The following NFATC2IP variants were observed in gnomAD, a reference collection of about 807,000 sequenced individuals.
NFATC2IP encodes NFATC2-interacting protein.
In NFATC2IP, 25 loss-of-function variants were observed where a neutral mutation model predicts 40.2. That is an observed-to-expected ratio of 0.62 (90% CI 0.45 to 0.87). The LOEUF is 0.87. Among genes scored for constraint, NFATC2IP ranks in the 40% least tolerant of loss-of-function variants. The probability of loss-of-function intolerance (pLI) is 0.00; values close to 1 mark genes in which losing one functional copy is unlikely to be tolerated. For synonymous variants in NFATC2IP, 241 were observed against 236.3 expected (o/e 1.02, Z -0.18); for missense variants, 553 against 555.6 (o/e 1.00, Z 0.05).
intron 5 of NFATC2IP, chr16:28,957,116 C>G (rs1965030392): frequency 6.6e-6 from 1 of 152,094 alleles, no homozygotes; most frequent in African/African-American, 2.4e-5. Flanking sequence ...TCACTGAAAC[C>G]TCCGCCTCCC....
intron 7 of NFATC2IP, among the ~76,000 whole-genome samples, chr16:28,961,325 GAAAAAAAAAAA>G (rs138576594): frequency 1.7e-4 from 9 of 52,254 alleles, no homozygotes; most frequent in Admixed American, 1.1e-3. Flanking sequence ...GACCCTATCT[GAAAAAAAAAAA>G]AAAAAAAAAA....
At chr16:28,953,430 ATAG>A (rs1320868539) in intron 2 of NFATC2IP, among the ~76,000 whole-genome samples, 1 of 152,198 alleles carries the variant, frequency 6.6e-6, no homozygotes, top group African/African-American at 2.4e-5. Flanking sequence ...AGTGGGGATA[ATAG>A]TAGACCCCAT....
In NFATC2IP at chr16:28,956,013, C is replaced by T. The variant is rs1406387034; in HGVS notation, c.614C>T (p.Pro205Leu). Residue 205 changes from proline to leucine, a missense_variant, in exon 4 of 8, where the codon CCA becomes CTA. Transcript: ENST00000320805. ...AACTCTCCTCTGTCCCCACCTTCAC[C>T]AAGGACCAAAAGCAGAACGCATACT... ...LDNSPLSPPS[P>L]RTKSRTHTRA... is the part of the protein sequence containing the mutation. 2 of 1,614,100 alleles carry T rather than the reference C, an allele frequency of 1.2e-6. No individual in the cohort carries two copies. The highest frequency in any genetic ancestry group is 8.5e-7 in the Non-Finnish European group (1 of 1,180,022).
Position 28,966,158 on chromosome 16 carries a change from A to C in NFATC2IP, c.*2295A>C, listed in dbSNP as rs993559977. ...TTTAATAGAGTTGTTAAGATATTTT[A>C]CATCTTCTCCTGTTAGCTGTTCAGC... On this transcript the variant is annotated 3_prime_UTR_variant, in exon 8 of 8. Coordinates refer to ENST00000320805, the MANE Select transcript of NFATC2IP (RefSeq NM_032815.4). 6.6e-6 allele frequency: 1 copy of C among 152,192 alleles called. No individual in the cohort carries two copies. The allele number at this position is 152,192 out of a possible 1,614,324, so 9.4% of individuals were successfully genotyped here.
At chr16:28,955,903 A>G (rs1965015174) in intron 3 of NFATC2IP, 75 bp from the exon 4 acceptor site, 1 of 1,192,632 alleles carries the variant, frequency 8.4e-7, no homozygotes, top group Non-Finnish European at 1.2e-6. Flanking sequence ...TTGATTGTCC[A>G]AGGATCTGAT....
rs919657274 is a variant in NFATC2IP, at chr16:28,951,073, G to T, written c.62G>T (p.Gly21Val). The T allele has an allele frequency of 1.2e-5, 19 of 1,543,670 alleles. No individual in the cohort carries two copies. Among genetic ancestry groups the T allele is most frequent in the African/African-American group, 2.8e-5 (2 of 72,392 alleles). Residue 21 changes from glycine to valine, a missense_variant, in exon 1 of 8, where the codon GGT becomes GTT. Transcript: ENST00000320805. ...GGAGGTAGCGGTGCCGGCCGAGGGG[G>T]TCGGGGCGGCTGGGGCGGTCGGGGC... Reference protein sequence around the residue: ...WSGGSGAGRGGRGGWGGRGRR... With the variant: ...WSGGSGAGRGVRGGWGGRGRR...
intron 1 of NFATC2IP, among the ~76,000 whole-genome samples, chr16:28,951,876 C>T (rs368428167): frequency 2.6e-5 from 4 of 152,012 alleles, no homozygotes; most frequent in African/African-American, 7.2e-5. Context: ...GGTAGAGGGG[C>T]GGCTAGTAAC....
At chr16:28,961,732 C>T (rs1304646199) in intron 7 of NFATC2IP, among the ~76,000 whole-genome samples, 4 of 151,866 alleles carry the variant, frequency 2.6e-5, no homozygotes, top group African/African-American at 9.7e-5. Flanking sequence ...AACCCTGTCT[C>T]TACTAAAAAT....
intron 4 of NFATC2IP, 45 bp downstream of exon 4, chr16:28,956,103 G>A (rs368445329): frequency 2.6e-5 from 42 of 1,613,008 alleles, no homozygotes; most frequent in African/African-American, 2.4e-4. Flanking sequence ...AGGGCAATCC[G>A]GGAGGGTGGC....
chr16:28,955,904 A>G, intron 3 of NFATC2IP, 74 bp from the exon 4 acceptor site: 2 of 1,194,488 alleles, frequency 1.7e-6, no homozygotes, highest in South Asian at 2.5e-5. Flanking sequence ...TGATTGTCCA[A>G]GGATCTGATT....
At chr16:28,959,321 C>T (rs1401816539) in intron 7 of NFATC2IP, among the ~76,000 whole-genome samples, 1 of 152,142 alleles carries the variant, frequency 6.6e-6, no homozygotes, top group Non-Finnish European at 1.5e-5. Context: ...TGGGTGCTCC[C>T]TCGGTCTCCT....
chr16:28,955,063 G>T (rs148867908), intron 3 of NFATC2IP, among the ~76,000 whole-genome samples: 1 of 152,044 alleles, frequency 6.6e-6, no homozygotes, highest in Non-Finnish European at 1.5e-5. Context: ...GCATGGTGGC[G>T]CATGCCTGTG....
chr16:28,958,913 G>C, intron 6 of NFATC2IP, 52 bp downstream of exon 6: 1 of 1,609,538 alleles, frequency 6.2e-7, no homozygotes, highest in Non-Finnish European at 8.5e-7. Flanking sequence ...AGGGGAAGGG[G>C]ATATGGGGAG....
At position 28,951,190 on chromosome 16, in the gene NFATC2IP, A is replaced by G. The variant is rs1401241331; in HGVS notation, c.179A>G (p.Glu60Gly). The stretch of plus-strand genomic sequence containing the variant: ...ACCGACAGCGATGAGGAAATTCTGG[A>G]GGTCGCCACCGCTCGCGGTGCCGCG... Reference protein sequence around the residue: ...LVTDSDEEILEVATARGAADE... With the variant: ...LVTDSDEEILGVATARGAADE... Residue 60 changes from glutamate (E) to glycine (G), a missense_variant, in exon 1 of 8, where the codon GAG becomes GGG. Glu to Gly is a moderately conservative substitution (Grantham distance 98, BLOSUM62 -2). Transcript: ENST00000320805. 2 of 1,539,774 alleles carry G rather than the reference A, an allele frequency of 1.3e-6. No individual in the cohort carries two copies. Among genetic ancestry groups the G allele is most frequent in the African/African-American group, 1.4e-5 (1 of 72,202 alleles).
chr16:28,957,081 T>A (rs1162167059), intron 5 of NFATC2IP: 1 of 152,114 alleles, frequency 6.6e-6, no homozygotes, highest in African/African-American at 2.4e-5. Flanking sequence ...TCGCCTAGGC[T>A]GGAGTGCAGT....
chr16:28,962,196 G>A (rs1395504385), intron 7 of NFATC2IP, among the ~76,000 whole-genome samples: 2 of 152,156 alleles, frequency 1.3e-5, no homozygotes, highest in Non-Finnish European at 2.9e-5. Flanking sequence ...ATGAGCCACT[G>A]CACCTCGCCC....
At chr16:28,960,199 A>G (rs1367201604) in intron 7 of NFATC2IP, among the ~76,000 whole-genome samples, 2 of 151,994 alleles carry the variant, frequency 1.3e-5, no homozygotes. Flanking sequence ...ACCAAGCACA[A>G]CCTCATCTCA....
intron 3 of NFATC2IP, 43 bp downstream of exon 3, chr16:28,954,725 A>G: frequency 7.8e-7 from 1 of 1,287,174 alleles, no homozygotes; most frequent in Non-Finnish European, 1.1e-6. Context: ...GCAGGAAGTG[A>G]GTTGGAGGGG....
rs964611370 is a variant in NFATC2IP, at chr16:28,966,822, T to C, written c.*2959T>C. 5 of 152,068 alleles carry C rather than the reference T, an allele frequency of 3.3e-5. No individual in the cohort carries two copies. Among genetic ancestry groups the C allele is most frequent in the Non-Finnish European group, 7.4e-5 (5 of 68,000 alleles). 9.4% of individuals were successfully genotyped at this position (152,068 alleles called of 1,614,324 possible). A position where few individuals can be genotyped will look rare whatever the true frequency, so the allele number is the denominator to read the frequency against. ...ATATATGAGATCCAAGTTTCACTTT[T>C]TGTGATATAATGAGCCAGTTTTCTC... On this transcript the variant is annotated 3_prime_UTR_variant, in exon 8 of 8. Coordinates refer to ENST00000320805, the MANE Select transcript of NFATC2IP (RefSeq NM_032815.4).
Sources: gnomAD v4.1 joint callset for allele counts (sites outside exome capture counted in the v4.1 genomes callset) on GRCh38, gnomAD v4.1.1 for gene constraint, MANE v1.5 for transcripts, NCBI Gene and HGNC (gene_info 2026-07-23, HGNC 2026-07-21) for gene names.